GOLGA8A: variants seen among roughly 807,000 people sequenced by gnomAD.
GOLGA8A encodes golgin subfamily A member 8A.
A neutral mutation model predicts 22.1 loss-of-function variants in GOLGA8A; 3 were observed. The ratio of observed to expected loss-of-function variants is 0.14; its 90% confidence interval spans 0.06 to 0.35. The LOEUF (loss-of-function observed/expected upper bound fraction) is 0.35. Ranked by LOEUF, GOLGA8A falls within the 10% of genes least tolerant of loss-of-function variation. GOLGA8A has a pLI of 1.00. For synonymous variants in GOLGA8A, 7 were observed against 91.7 expected, an observed-to-expected ratio of 0.08 and a Z score of 5.28; for missense variants, 16 against 233.2, an observed-to-expected ratio of 0.07 and a Z score of 6.07.
intron 2 of GOLGA8A, chr15:34,418,859 AG>A (rs1454047297): frequency 6.9e-6 from 1 of 144,514 alleles, no homozygotes; most frequent in Non-Finnish European, 1.5e-5. Context: ...TGCTGTGGGG[AG>A]GAAGAATTTC....
At chr15:34,431,755 T>C (rs1189484856) in intron 2 of GOLGA8A, among the ~76,000 whole-genome samples, 1 of 148,806 alleles carries the variant, frequency 6.7e-6, no homozygotes, top group African/African-American at 2.5e-5. Flanking sequence ...ATTGTATACC[T>C]AGGCTACATT....
rs73378023 is a variant in GOLGA8A at position 34,437,786 on chromosome 15, G to A, written c.-1600C>T. On this transcript the variant is annotated 5_prime_UTR_variant, in exon 1 of 25. Coordinates refer to ENST00000359187, the MANE Select transcript of GOLGA8A (RefSeq NM_181077.5). Reference sequence around the variant, plus strand: ...CGCCTAGCCGCACACCTCGACTGCTGATTAGCCCGACAGCTGAATAGCGGC... The same window carrying A: ...CGCCTAGCCGCACACCTCGACTGCTAATTAGCCCGACAGCTGAATAGCGGC... Among the ~76,000 whole-genome samples the A allele has an allele frequency of 0.19, 23,738 of 126,916 alleles. 4,963 individuals carry two copies. The highest frequency in any genetic ancestry group is 0.3 in the African/African-American group (11,010 of 37,040). The allele number at this position is 126,916 out of a possible 152,430, so 83.3% of individuals were successfully genotyped here. A position where few individuals can be genotyped will look rare whatever the true frequency, so the allele number is the denominator to read the frequency against.
intron 2 of GOLGA8A, among the ~76,000 whole-genome samples, chr15:34,423,841 G>A (rs3866562): frequency 1.1e-4 from 17 of 149,174 alleles, no homozygotes; most frequent in South Asian, 2.1e-4. Context: ...CCAGGGCTGT[G>A]CCCTACCCTC....
At chr15:34,427,597 A>G (rs762717252) in intron 2 of GOLGA8A, among the ~76,000 whole-genome samples, 1 of 148,386 alleles carries the variant, frequency 6.7e-6, no homozygotes, top group Non-Finnish European at 1.5e-5. Flanking sequence ...TTTTCCTTGG[A>G]TTCCTAGGAC....
At chr15:34,430,904 C>T (rs1893198701) in intron 2 of GOLGA8A, among the ~76,000 whole-genome samples, 1 of 149,348 alleles carries the variant, frequency 6.7e-6, no homozygotes, top group Non-Finnish European at 1.5e-5. Flanking sequence ...CTAACACACG[C>T]CTGGCCCCAC....
At chr15:34,405,452 A>C (rs1478242974) in intron 4 of GOLGA8A, among the ~76,000 whole-genome samples, 1 of 147,226 alleles carries the variant, frequency 6.8e-6, no homozygotes, top group African/African-American at 2.5e-5. Flanking sequence ...CTCGTGCCTC[A>C]GTCTCCTGAG....
At chr15:34,436,928 C>T (rs1893547408) in intron 1 of GOLGA8A, among the ~76,000 whole-genome samples, 1 of 149,648 alleles carries the variant, frequency 6.7e-6, no homozygotes, top group Non-Finnish European at 1.5e-5. Context: ...CTCGAGTTCT[C>T]CCAGGGAAGT....
Position 34,381,307 on chromosome 15 carries a change from G to A in GOLGA8A, c.*104C>T, listed in dbSNP as rs1036904939. 6.2e-4 allele frequency: 648 copies of A among 1,052,710 alleles called. 7 individuals carry two copies. Among genetic ancestry groups the A allele is most frequent in the African/African-American group, 1.2e-4 (8 of 66,596 alleles). The allele number at this position is 1,052,710 out of a possible 1,614,324, so 65.2% of individuals were successfully genotyped here. ...TTAGAAACACAAATAATCATGAGTAGCTCTAACATTCAAATGAAGTAAATG... is the reference window on the plus strand; with the variant it reads ...TTAGAAACACAAATAATCATGAGTAACTCTAACATTCAAATGAAGTAAATG... On this transcript the variant is annotated 3_prime_UTR_variant, in exon 25 of 25. Coordinates refer to ENST00000359187, the MANE Select transcript of GOLGA8A (RefSeq NM_181077.5).
intron 1 of GOLGA8A, among the ~76,000 whole-genome samples, 179 bp downstream of exon 1, chr15:34,437,219 C>T (rs1344299453): frequency 6.8e-6 from 1 of 146,930 alleles, no homozygotes; most frequent in Admixed American, 6.8e-5. Context: ...CGCCGGGCTG[C>T]ACCCCTAGAT....
At chr15:34,432,554 TAAAC>T (rs200934498) in intron 2 of GOLGA8A, among the ~76,000 whole-genome samples, 2 of 149,248 alleles carry the variant, frequency 1.3e-5, no homozygotes, top group African/African-American at 2.5e-5. Flanking sequence ...TTTAAAATGA[TAAAC>T]AAAGAGGGAT....
rs182913833 is a variant in GOLGA8A at position 34,381,634 on chromosome 15, G to A, written c.1610-21C>T. 3.4e-3 allele frequency: 4,507 copies of A among 1,326,482 alleles called. 161 individuals carry two copies. In the African/African-American group the frequency reaches 0.045, roughly 13 times the overall value. The allele number at this position is 1,326,482 out of a possible 1,614,324, so 82.2% of individuals were successfully genotyped here. ...AAGATCTTTGGAGAGAGGGAGGCGG[G>A]GATCTGAGTGGAGTGCTAGCCGCCC... On this transcript the variant is annotated intron_variant, in intron 24 of 24. Coordinates refer to ENST00000359187, the MANE Select transcript of GOLGA8A (RefSeq NM_181077.5).
rs1200878577 is a variant in GOLGA8A at position 34,380,178 on chromosome 15, G to A, written c.*1233C>T. 3 of 152,152 alleles carry A rather than the reference G, an allele frequency of 2.0e-5. No homozygotes were observed. The highest frequency in any genetic ancestry group is 2.9e-5 in the Non-Finnish European group (2 of 68,026). The allele number at this position is 152,152 out of a possible 1,614,324, so 9.4% of individuals were successfully genotyped here. ...ACTTTCTAAAGTGTTTTCCACTCAA[G>A]GAAAAGAAGTAAATTCCTATGTCAG... On this transcript the variant is annotated 3_prime_UTR_variant, in exon 25 of 25. Coordinates refer to ENST00000359187, the MANE Select transcript of GOLGA8A (RefSeq NM_181077.5).
intron 2 of GOLGA8A, among the ~76,000 whole-genome samples, chr15:34,423,935 A>AGGCTACCAGC (rs1270785389): frequency 6.7e-6 from 1 of 148,226 alleles, no homozygotes; most frequent in Non-Finnish European, 1.5e-5. Context: ...GAAGCAGCTG[A>AGGCTACCAGC]GGCTACCAGC....
chr15:34,435,089 G>A (rs1372467350), intron 2 of GOLGA8A, among the ~76,000 whole-genome samples: 1 of 149,342 alleles, frequency 6.7e-6, no homozygotes, highest in Non-Finnish European at 1.5e-5. Flanking sequence ...GTCACCTGAG[G>A]CCCTCACCTA....
chr15:34,412,854 T>C (rs1374394108), intron 2 of GOLGA8A, among the ~76,000 whole-genome samples: 40 of 139,168 alleles, frequency 2.9e-4, no homozygotes, highest in African/African-American at 1.0e-3. Context: ...TAGAATTTCA[T>C]TCACCCTGAA....
rs1893594731 is a variant in GOLGA8A at position 34,437,452 on chromosome 15, C to G, written c.-1266G>C. The G allele has an allele frequency of 7.4e-6, 1 of 134,960 alleles. No homozygotes were observed. Among genetic ancestry groups the G allele is most frequent in the East Asian group, 2.2e-4 (1 of 4,566 alleles). The allele number at this position is 134,960 out of a possible 1,614,324, so 8.4% of individuals were successfully genotyped here. On this transcript the variant is annotated 5_prime_UTR_variant, in exon 1 of 25. Transcript: ENST00000359187. ...GCCGCCGTCCTCGCCGCGCCGCCGTCCTCGCCGCGCCGCCGTCCTCGCCGC... is the reference window on the plus strand; with the variant it reads ...GCCGCCGTCCTCGCCGCGCCGCCGTGCTCGCCGCGCCGCCGTCCTCGCCGC...
At chr15:34,432,246 C>T (rs115649897) in intron 2 of GOLGA8A, among the ~76,000 whole-genome samples, 1 of 149,220 alleles carries the variant, frequency 6.7e-6, no homozygotes, top group African/African-American at 2.5e-5. Context: ...CACGACTCTC[C>T]GATGCCAGCC....
chr15:34,422,727 G>GCTCTCT (rs1284070676), intron 2 of GOLGA8A, among the ~76,000 whole-genome samples: 4 of 97,232 alleles, frequency 4.1e-5, no homozygotes, highest in African/African-American at 1.1e-4. Context: ...GCTCTCTCTC[G>GCTCTCT]CTCTCGCTCT....
In GOLGA8A at chr15:34,437,506, CG is replaced by C; in HGVS notation, c.-1321del. 2.0e-5 allele frequency: 1 copy of C among 50,544 alleles called. No homozygotes were observed. The highest frequency in any genetic ancestry group is 7.4e-5 in the African/African-American group (1 of 13,494). The allele number at this position is 50,544 out of a possible 1,614,324, so 3.1% of individuals were successfully genotyped here. ...GCCGTCCTCGCCGCGCCGCCGTCCT[CG>C]CCGCGCCGCCGTCCTCGCCGCGCCG... On this transcript the variant is annotated 5_prime_UTR_variant, in exon 1 of 25. Transcript: ENST00000359187.
Sources: allele counts gnomAD v4.1 joint callset (sites outside exome capture counted in the v4.1 genomes callset), GRCh38; gene constraint gnomAD v4.1.1; transcripts MANE v1.5; gene names NCBI Gene and HGNC (gene_info 2026-07-23, HGNC 2026-07-21).